Variants in BID observed in about 807,000 individuals in gnomAD.
BID encodes BH3 interacting domain death agonist.
In BID, 19 loss-of-function variants were observed where a neutral mutation model predicts 17.4. That is an observed-to-expected ratio of 1.09 (90% CI 0.76 to 1.60). The LOEUF (loss-of-function observed/expected upper bound fraction) is 1.60. BID is among the 40% of genes most tolerant of loss of function. The probability of loss-of-function intolerance (pLI) is 0.00; values close to 1 mark genes in which losing one functional copy is unlikely to be tolerated. For missense variants in BID, 226 were observed against 256.0 expected (o/e 0.88, Z 0.80); for synonymous variants, 108 against 102.8 (o/e 1.05, Z -0.31).
rs1314201369 is a variant in BID at position 17,738,165 on chromosome 22, T to C, written c.428A>G (p.Glu143Gly). The change falls in exon 5 of 6, where the codon GAG becomes GGG. Residue 143 changes from glutamate to glycine, a missense_variant. Physicochemically the swap from Glu to Gly is moderately conservative, Grantham distance 98 (BLOSUM62 -2). Coordinates refer to ENST00000622694, the MANE Select transcript of BID (RefSeq NM_001196.4). Reference sequence around the variant, plus strand: ...CAGCACCAGCATGGTCTTCTCCTTCTCCATGTCTCTAGGGTAGGCCTGCAG... The same window carrying C: ...CAGCACCAGCATGGTCTTCTCCTTCCCCATGTCTCTAGGGTAGGCCTGCAG... ...QLLQAYPRDM[E>G]KEKTMLVLAL... 6.2e-7 allele frequency: 1 copy of C among 1,613,558 alleles called. No homozygotes were observed. Among genetic ancestry groups the C allele is most frequent in the Non-Finnish European group, 8.5e-7 (1 of 1,180,020 alleles).
intron 2 of BID, among the ~76,000 whole-genome samples, chr22:17,746,041 T>C (rs1422170522): frequency 6.6e-6 from 1 of 151,776 alleles, no homozygotes; most frequent in Non-Finnish European, 1.5e-5. Flanking sequence ...GCTGCAGCCA[T>C]AAAAAAGAAT....
intron 1 of BID, among the ~76,000 whole-genome samples, chr22:17,772,851 A>G (rs2061731125): frequency 6.9e-6 from 1 of 145,258 alleles, no homozygotes; most frequent in Non-Finnish European, 1.5e-5. Context: ...AGAATCCCCC[A>G]TACCACCCTG....
Position 17,768,104 on chromosome 22 carries a change from C to T in BID, c.-59+6277G>A, listed in dbSNP as rs529733212. Among the ~76,000 whole-genome samples, 13 of 152,338 alleles carry T rather than the reference C, an allele frequency of 8.5e-5. No homozygotes were observed. The East Asian group carries it at 2.5e-3, about 29-fold the overall frequency. The stretch of plus-strand genomic sequence containing the variant: ...AACTCCATAGACAGAAAGATTAGGG[C>T]TGCCAGGGCTGCGGAGCAGCCACCA... On this transcript the variant is annotated intron_variant, in intron 1 of 5. Transcript: ENST00000622694.
chr22:17,738,363 C>T (rs2061434947), intron 4 of BID, 134 bp from the exon 5 acceptor site: 1 of 840,882 alleles, frequency 1.2e-6, no homozygotes, highest in Non-Finnish European at 1.8e-6. Flanking sequence ...GAATGAGAAA[C>T]AGTTGAGTTC....
chr22:17,758,253 C>T (rs1241595793), intron 1 of BID, among the ~76,000 whole-genome samples: 1 of 152,228 alleles, frequency 6.6e-6, no homozygotes, highest in East Asian at 1.9e-4. Flanking sequence ...GCCGAGACCT[C>T]GCAGGCACTG....
At chr22:17,771,953 G>T (rs1364007930) in intron 1 of BID, among the ~76,000 whole-genome samples, 4 of 152,224 alleles carry the variant, frequency 2.6e-5, no homozygotes, top group Admixed American at 2.6e-4. Context: ...TACCCCCAGT[G>T]GCCTAACAGG....
intron 1 of BID, among the ~76,000 whole-genome samples, chr22:17,772,770 T>C (rs1324662162): frequency 6.6e-6 from 1 of 152,128 alleles, no homozygotes; most frequent in Non-Finnish European, 1.5e-5. Flanking sequence ...CAGCCGAGCC[T>C]GTGAGCACCC....
In BID at chr22:17,746,476, A is replaced by G. The variant is rs540147491; in HGVS notation, c.13-2463T>C. Among the ~76,000 whole-genome samples the G allele has an allele frequency of 1.5e-4, 23 of 152,376 alleles. No homozygotes were observed. The South Asian group carries it at 4.1e-3, about 27-fold the overall frequency. The stretch of plus-strand genomic sequence containing the variant: ...AACAATTCTTGTACGGAGCAGCCGC[A>G]TGGCACAAGACAGCTTACAAACAGG... On this transcript the variant is annotated intron_variant, in intron 2 of 5. Transcript: ENST00000622694.
At chr22:17,756,571 T>C (rs372929213) in intron 1 of BID, among the ~76,000 whole-genome samples, 2 of 151,276 alleles carry the variant, frequency 1.3e-5, no homozygotes, top group African/African-American at 4.9e-5. Flanking sequence ...TCCTTTCCTT[T>C]CTTTCTTTTT....
chr22:17,744,895 T>C (rs1471570869), intron 2 of BID, among the ~76,000 whole-genome samples: 1 of 152,078 alleles, frequency 6.6e-6, no homozygotes, highest in Non-Finnish European at 1.5e-5. Flanking sequence ...TCTGCGCAGA[T>C]TCACACAAAA....
At chr22:17,771,833 C>T (rs919187806) in intron 1 of BID, among the ~76,000 whole-genome samples, 4 of 152,206 alleles carry the variant, frequency 2.6e-5, no homozygotes, top group African/African-American at 9.7e-5. Context: ...GGTTTCTGAA[C>T]CCCTGCCCCG....
At chr22:17,751,457 CTGTG>C (rs147644233) in intron 1 of BID, among the ~76,000 whole-genome samples, 13 of 149,750 alleles carry the variant, frequency 8.7e-5, no homozygotes, top group South Asian at 2.1e-4. Context: ...AAGTATTTGC[CTGTG>C]TGTGTGTGTG....
chr22:17,748,430 C>T (rs1271744626), intron 2 of BID, among the ~76,000 whole-genome samples: 1 of 151,792 alleles, frequency 6.6e-6, no homozygotes, highest in African/African-American at 2.4e-5. Flanking sequence ...ATGGCCTGAA[C>T]CCGGGAGGCG....
At chr22:17,739,262 C>A (rs977516676) in intron 4 of BID, 87 bp downstream of exon 4, 19 of 1,441,296 alleles carry the variant, frequency 1.3e-5, no homozygotes, top group African/African-American at 1.4e-5. Flanking sequence ...AGTGGCCTCA[C>A]GGGACAGTGG....
At chr22:17,750,201 G>A (rs1341475958) in intron 1 of BID, 27 bp from the exon 2 acceptor site, 2 of 1,594,082 alleles carry the variant, frequency 1.3e-6, no homozygotes, top group Non-Finnish European at 1.7e-6. Flanking sequence ...AGAGTGGGCG[G>A]CCGCTCCTGG....
intron 1 of BID, among the ~76,000 whole-genome samples, chr22:17,752,147 G>A (rs1225539933): frequency 1.3e-5 from 2 of 152,128 alleles, no homozygotes; most frequent in Non-Finnish European, 2.9e-5. Context: ...TCAGATACAC[G>A]CCCATGTCAC....
intron 1 of BID, among the ~76,000 whole-genome samples, chr22:17,772,164 C>A (rs5992826): frequency 0.01 from 1,550 of 152,314 alleles, 25 homozygotes; most frequent in African/African-American, 0.035. Flanking sequence ...GCTCCGTGAG[C>A]GTCCGGCACA....
chr22:17,739,783 A>T, intron 3 of BID: 1 of 580,062 alleles, frequency 1.7e-6, no homozygotes, highest in Non-Finnish European at 3.1e-6. Flanking sequence ...ACCACGCCTG[A>T]GGTACAAGCC....
chr22:17,737,603 C>T (rs533762282), intron 5 of BID, among the ~76,000 whole-genome samples: 78 of 152,344 alleles, frequency 5.1e-4, no homozygotes, highest in African/African-American at 1.6e-3. Flanking sequence ...GCCTTGGCCT[C>T]CCAGAGCAGT....
Sources: gnomAD v4.1 joint callset for allele counts (sites outside exome capture counted in the v4.1 genomes callset) on GRCh38, gnomAD v4.1.1 for gene constraint, MANE v1.5 for transcripts, NCBI Gene and HGNC (gene_info 2026-07-23, HGNC 2026-07-21) for gene names.